FHIT: variants seen among roughly 807,000 people sequenced by gnomAD.
FHIT encodes the protein bis(5'-adenosyl)-triphosphatase.
In FHIT, 19 loss-of-function variants were observed where a neutral mutation model predicts 17.9. The observed-to-expected ratio is 1.06, with a 90% CI of 0.74 to 1.56. The LOEUF is 1.56. Ranked by LOEUF, FHIT falls within the 40% of genes most tolerant of loss-of-function variation. FHIT has a pLI of 0.00. For missense variants in FHIT, 248 were observed against 189.2 expected, an observed-to-expected ratio of 1.31 and a Z score of -1.82; for synonymous variants, 81 against 69.7, an observed-to-expected ratio of 1.16 and a Z score of -0.81.
chr3:60,033,868 CAACATT>C (rs1291597351), intron 5 of FHIT, among the ~76,000 whole-genome samples: 2 of 152,170 alleles, frequency 1.3e-5, no homozygotes, highest in African/African-American at 4.8e-5. Flanking sequence ...TTAGCATCAT[CAACATT>C]ATCATTTATG....
intron 5 of FHIT, among the ~76,000 whole-genome samples, chr3:60,252,730 C>T (rs909403241): frequency 6.6e-6 from 1 of 152,082 alleles, no homozygotes; most frequent in Non-Finnish European, 1.5e-5. Context: ...GTGGCTCATG[C>T]CTGTAATCCC....
chr3:61,179,316 A>G (rs775753147), intron 2 of FHIT, among the ~76,000 whole-genome samples: 1 of 152,064 alleles, frequency 6.6e-6, no homozygotes, highest in Admixed American at 6.6e-5. Context: ...CCAAGCCTAC[A>G]TTATTTCTTA....
At chr3:60,947,621 A>T (rs1553776039) in intron 3 of FHIT, among the ~76,000 whole-genome samples, 1 of 152,206 alleles carries the variant, frequency 6.6e-6, no homozygotes, top group Admixed American at 6.5e-5. Flanking sequence ...ATTTTTGAAA[A>T]GGTCATAACC....
intron 5 of FHIT, among the ~76,000 whole-genome samples, chr3:60,373,140 T>C (rs1245973085): frequency 1.3e-5 from 2 of 152,180 alleles, no homozygotes; most frequent in East Asian, 3.9e-4. Context: ...CAACAGCCTC[T>C]AGTTTAGCAG....
At chr3:60,885,792 G>C (rs1575643561) in intron 3 of FHIT, among the ~76,000 whole-genome samples, 2 of 152,084 alleles carry the variant, frequency 1.3e-5, no homozygotes, top group African/African-American at 4.8e-5. Flanking sequence ...GTGGGCTCTT[G>C]CTTGACATTT....
intron 2 of FHIT, among the ~76,000 whole-genome samples, chr3:61,059,941 T>C (rs940235749): frequency 6.6e-6 from 1 of 152,128 alleles, no homozygotes; most frequent in South Asian, 2.1e-4. Flanking sequence ...AAGATGAGCA[T>C]GGTAGGTGAA....
In FHIT at chr3:60,386,412, G is replaced by A. The variant is rs144793176; in HGVS notation, c.103+150448C>T. Among the ~76,000 whole-genome samples the A allele has an allele frequency of 9.7e-4, 147 of 152,282 alleles. 1 individual carries two copies. The highest frequency in any genetic ancestry group is 3.2e-3 in the African/African-American group (132 of 41,556). ...CAATAATGACAAGGCAATGACTATCGAAGTGCAGCTTCACCTCACAATATC... is the reference window on the plus strand; with the variant it reads ...CAATAATGACAAGGCAATGACTATCAAAGTGCAGCTTCACCTCACAATATC... On this transcript the variant is annotated intron_variant, in intron 5 of 9. Transcript: ENST00000492590.
At chr3:60,077,928 T>G (rs958931386) in intron 5 of FHIT, among the ~76,000 whole-genome samples, 4 of 152,214 alleles carry the variant, frequency 2.6e-5, no homozygotes, top group Admixed American at 1.3e-4. Context: ...GTAACCATCT[T>G]ATTGTATATA....
At chr3:59,902,820 A>G (rs546156286) in intron 8 of FHIT, among the ~76,000 whole-genome samples, 1 of 152,340 alleles carries the variant, frequency 6.6e-6, no homozygotes, top group East Asian at 1.9e-4. Flanking sequence ...AATCTGGTCA[A>G]GGGTACAAAC....
chr3:60,305,290 A>C (rs895958970), intron 5 of FHIT, among the ~76,000 whole-genome samples: 1 of 152,134 alleles, frequency 6.6e-6, no homozygotes, highest in African/African-American at 2.4e-5. Context: ...TGAATAAAAA[A>C]TGCTTACCAT....
intron 3 of FHIT, among the ~76,000 whole-genome samples, chr3:60,998,090 C>T (rs1385312084): frequency 6.6e-6 from 1 of 152,180 alleles, no homozygotes; most frequent in Non-Finnish European, 1.5e-5. Context: ...TTTGCCCCAA[C>T]ACCAAATGCT....
intron 4 of FHIT, among the ~76,000 whole-genome samples, chr3:60,691,150 C>T (rs906710301): frequency 8.6e-5 from 13 of 151,724 alleles, no homozygotes; most frequent in African/African-American, 2.4e-4. Flanking sequence ...TTTGTTTGTT[C>T]GTTGTGCTCC....
rs557709718 is a variant in FHIT at position 60,918,227 on chromosome 3, T to G, written c.-110-96216A>C. ...CAGCCAGGTGAAACTGTGAGTCCAT[T>G]AAACCTCTTTTTCTTTATAAATTAG... On this transcript the variant is annotated intron_variant, in intron 3 of 9. Transcript: ENST00000492590. Among the ~76,000 whole-genome samples the G allele has an allele frequency of 1.3e-4, 20 of 152,300 alleles. No individual in the cohort carries two copies. The South Asian group carries it at 4.1e-3, about 32-fold the overall frequency.
At chr3:60,613,381 G>C (rs138533124) in intron 4 of FHIT, among the ~76,000 whole-genome samples, 6 of 152,306 alleles carry the variant, frequency 3.9e-5, no homozygotes, top group South Asian at 2.1e-4. Context: ...GCAGTGCAGT[G>C]AGAGATGGGC....
intron 7 of FHIT, among the ~76,000 whole-genome samples, chr3:59,934,025 A>C (rs115151451): frequency 0.02 from 2,988 of 152,062 alleles, 113 homozygotes; most frequent in African/African-American, 0.069. Context: ...TAAAGAAAAA[A>C]CCTCAAGCAT....
chr3:61,167,994 T>C (rs1348232365), intron 2 of FHIT, among the ~76,000 whole-genome samples: 1 of 152,172 alleles, frequency 6.6e-6, no homozygotes, highest in African/African-American at 2.4e-5. Flanking sequence ...CCATCCATTC[T>C]ATAAAGCAAG....
chr3:59,762,503 C>T (rs477697), intron 8 of FHIT, among the ~76,000 whole-genome samples: 29,300 of 151,946 alleles, frequency 0.19, 3,374 homozygotes, highest in African/African-American at 0.31. Context: ...GGATGAGACA[C>T]ACAAACACTG....
chr3:61,142,903 G>GACTTAAAGCTTT (rs1471572500), intron 2 of FHIT, among the ~76,000 whole-genome samples: 1 of 152,090 alleles, frequency 6.6e-6, no homozygotes, highest in African/African-American at 2.4e-5. Flanking sequence ...TAAAAAGGTA[G>GACTTAAAGCTTT]ACTTAAAGCT....
intron 2 of FHIT, among the ~76,000 whole-genome samples, chr3:61,042,943 A>T (rs1039668994): frequency 6.6e-6 from 1 of 152,208 alleles, no homozygotes; most frequent in Admixed American, 6.5e-5. Context: ...TTAAGAACAG[A>T]AACAAATTAA....
Sources: allele counts gnomAD v4.1 joint callset (sites outside exome capture counted in the v4.1 genomes callset), GRCh38; gene constraint gnomAD v4.1.1; transcripts MANE v1.5; gene names NCBI Gene and HGNC (gene_info 2026-07-23, HGNC 2026-07-21).